RFX6: variants seen among roughly 807,000 people sequenced by gnomAD.
The protein encoded by RFX6 is regulatory factor X6.
In RFX6, 50 loss-of-function variants were observed where a neutral mutation model predicts 110.8. That is an observed-to-expected ratio of 0.45 (90% CI 0.36 to 0.57). RFX6 has a LOEUF of 0.57. RFX6 is among the 20% of genes least tolerant of loss of function. The pLI is 0.00. For missense variants in RFX6, 990 were observed against 1,127.0 expected (o/e 0.88, Z 1.74); for synonymous variants, 383 against 411.2 (o/e 0.93, Z 0.83).
intron 7 of RFX6, among the ~76,000 whole-genome samples, chr6:116,915,543 C>T (rs1047546765): frequency 1.3e-5 from 2 of 152,210 alleles, no homozygotes; most frequent in East Asian, 1.9e-4. Flanking sequence ...AAATTTGAAA[C>T]CATTATGCCA....
chr6:116,922,236 A>G, intron 13 of RFX6, 85 bp downstream of exon 13: 1 of 768,614 alleles, frequency 1.3e-6, no homozygotes, highest in South Asian at 1.4e-5. Context: ...CTGGGGGGAG[A>G]GGGGTGGAAG....
intron 15 of RFX6, among the ~76,000 whole-genome samples, chr6:116,925,017 AT>A (rs1775679787): frequency 6.6e-6 from 1 of 152,204 alleles, no homozygotes; most frequent in Non-Finnish European, 1.5e-5. Flanking sequence ...AGTATACAAA[AT>A]TGGTGATCTT....
chr6:116,887,529 C>G (rs1033653426), intron 4 of RFX6, among the ~76,000 whole-genome samples: 3 of 152,028 alleles, frequency 2.0e-5, no homozygotes, highest in African/African-American at 7.3e-5. Context: ...AAGTATACAC[C>G]TGGTTTTATT....
chr6:116,922,032 T>C lies in RFX6; in HGVS notation c.1328-10T>C, dbSNP rs182606018. The C allele has an allele frequency of 0.018, 20,699 of 1,157,496 alleles. 206 individuals carry two copies. The highest frequency in any genetic ancestry group is 0.023 in the Non-Finnish European group (17,728 of 773,186). The allele number at this position is 1,157,496 out of a possible 1,614,324, so 71.7% of individuals were successfully genotyped here. On this transcript the variant is annotated splice_polypyrimidine_tract_variant and intron_variant, in intron 12 of 18. Coordinates refer to ENST00000332958, the MANE Select transcript of RFX6 (RefSeq NM_173560.4). ...TTCTTTTCTTTCTTTTTTTTTTTTT[T>C]CCTGGGTAGATGACTCTATCACTGT...
At chr6:116,922,471 T>C (rs963046334) in intron 13 of RFX6, among the ~76,000 whole-genome samples, 1 of 152,184 alleles carries the variant, frequency 6.6e-6, no homozygotes, top group African/African-American at 2.4e-5. Context: ...ACTGGAATGA[T>C]CTGGCCCGTT....
At position 116,877,332 on chromosome 6, in the gene RFX6, A is replaced by C. The variant is rs769415472; in HGVS notation, c.57A>C (p.Gln19His). The C allele has an allele frequency of 6.2e-7, 1 of 1,613,028 alleles. No homozygotes were observed. The highest frequency in any genetic ancestry group is 1.1e-5 in the South Asian group (1 of 90,878). The change falls in exon 1 of 19, where the codon CAA becomes CAC. Residue 19 changes from glutamine to histidine, a missense_variant. Transcript: ENST00000332958. ...DTFLQAQPAP[Q>H]LSPGIQEDCC... ...TCCTGCAGGCGCAGCCTGCGCCCCA[A>C]CTGTCCCCGGGGATCCAGGAAGACT...
intron 6 of RFX6, among the ~76,000 whole-genome samples, chr6:116,896,379 C>A (rs972872106): frequency 4.3e-4 from 65 of 151,992 alleles, no homozygotes; most frequent in Non-Finnish European, 8.4e-4. Context: ...TCTGTGGATA[C>A]CTGAAGGCAA....
chr6:116,927,351 G>A lies in RFX6; in HGVS notation c.2210G>A (p.Arg737Lys). The A allele has an allele frequency of 6.2e-7, 1 of 1,613,932 alleles. No homozygotes were observed. Among genetic ancestry groups the A allele is most frequent in the Non-Finnish European group, 8.5e-7 (1 of 1,179,792 alleles). The stretch of plus-strand genomic sequence containing the variant: ...GCTTGGACTGAACAGCAGCTTTCAA[G>A]AGACTTCTTCAGTGGCAGCTGTGCG... ...CMAWTEQQLS[R>K]DFFSGSCAGS... Residue 737 changes from arginine (R) to lysine (K), a missense_variant, in exon 17 of 19, where the codon AGA becomes AAA. By Grantham distance (26) the Arg-to-Lys change is conservative. Around this residue, in one of 5 missense-constraint regions of RFX6, gnomAD observed 438 missense variants for 441.9 expected, o/e 0.99. Transcript: ENST00000332958.
intron 13 of RFX6, among the ~76,000 whole-genome samples, chr6:116,922,417 A>G (rs973941892): frequency 1.3e-5 from 2 of 152,224 alleles, no homozygotes; most frequent in African/African-American, 4.8e-5. Context: ...TCAGTCAATA[A>G]CATTACAGCT....
At chr6:116,886,382 G>A (rs1003432921) in intron 4 of RFX6, among the ~76,000 whole-genome samples, 1 of 152,148 alleles carries the variant, frequency 6.6e-6, no homozygotes, top group Non-Finnish European at 1.5e-5. Flanking sequence ...AGGTTCTCCT[G>A]TACTCTGGGC....
Position 116,915,975 on chromosome 6 carries a change from T to A in RFX6, c.781-33T>A. ...ACAAGAAAAGGCAGTGTTAAAAGGA[T>A]GCTTTGGTTAAGCTTTTTCTTCCTT... On this transcript the variant is annotated intron_variant, in intron 7 of 18. Transcript: ENST00000332958. 15 of 1,424,336 alleles carry A rather than the reference T, an allele frequency of 1.1e-5. 1 individual carries two copies. Among genetic ancestry groups the A allele is most frequent in the Non-Finnish European group, 1.3e-5 (13 of 1,008,726 alleles). The allele number at this position is 1,424,336 out of a possible 1,614,324, so 88.2% of individuals were successfully genotyped here.
At chr6:116,887,040 C>T (rs554345446) in intron 4 of RFX6, among the ~76,000 whole-genome samples, 4 of 151,628 alleles carry the variant, frequency 2.6e-5, no homozygotes, top group Non-Finnish European at 4.4e-5. Context: ...TCCAGCCTGG[C>T]GACCGAGCGA....
rs546909624 is a variant in RFX6 at position 116,899,643 on chromosome 6, C to T, written c.672+4436C>T. On this transcript the variant is annotated intron_variant, in intron 6 of 18. Coordinates refer to ENST00000332958, the MANE Select transcript of RFX6 (RefSeq NM_173560.4). ...AAAATTATTCAGGAGGTGTTAGAAACATTGACCATTTTGCAAAAAAATTTC... is the reference window on the plus strand; with the variant it reads ...AAAATTATTCAGGAGGTGTTAGAAATATTGACCATTTTGCAAAAAAATTTC... Among the ~76,000 whole-genome samples, 26 of 152,146 alleles carry T rather than the reference C, an allele frequency of 1.7e-4. No homozygotes were observed. In the South Asian group the frequency reaches 5.4e-3, roughly 32 times the overall value.
intron 6 of RFX6, among the ~76,000 whole-genome samples, chr6:116,899,774 C>T (rs937379997): frequency 2.0e-5 from 3 of 152,098 alleles, no homozygotes; most frequent in African/African-American, 7.2e-5. Context: ...TATTCACTTT[C>T]TAAGCATAAA....
In RFX6 at chr6:116,924,670, T is replaced by G. The variant is rs992920433; in HGVS notation, c.1557T>G (p.Gly519=). The change falls in exon 15 of 19, where the codon GGT becomes GGG. Residue 519 remains glycine (G), a splice_region_variant and synonymous_variant. Transcript: ENST00000332958. ...NLTLNNASSF[G]SFHLIRMLLD... The stretch of plus-strand genomic sequence containing the variant: ...CCTCATTCTCCATCCATAAACAAGG[T>G]TCTTTTCATTTGATTCGAATGCTTC... 6 of 1,610,468 alleles carry G rather than the reference T, an allele frequency of 3.7e-6. No individual in the cohort carries two copies. The African/African-American group carries it at 8.0e-5, about 22-fold the overall frequency.
At chr6:116,905,231 C>T (rs1339174702) in intron 6 of RFX6, among the ~76,000 whole-genome samples, 1 of 152,068 alleles carries the variant, frequency 6.6e-6, no homozygotes, top group Non-Finnish European at 1.5e-5. Flanking sequence ...TTTATAGTAG[C>T]CATCCCAGTG....
chr6:116,917,712 G>A (rs1172350255), intron 9 of RFX6, among the ~76,000 whole-genome samples: 1 of 152,060 alleles, frequency 6.6e-6, no homozygotes, highest in African/African-American at 2.4e-5. Flanking sequence ...GGTGTAAGAT[G>A]AGCTTCTACA....
At chr6:116,905,054 G>T (rs1775166914) in intron 6 of RFX6, among the ~76,000 whole-genome samples, 2 of 152,122 alleles carry the variant, frequency 1.3e-5, no homozygotes, top group Admixed American at 1.3e-4. Context: ...GAATTACTGG[G>T]TCATATAATA....
intron 6 of RFX6, among the ~76,000 whole-genome samples, chr6:116,906,835 C>T (rs975664323): frequency 2.0e-5 from 3 of 146,368 alleles, no homozygotes; most frequent in Non-Finnish European, 4.5e-5. Flanking sequence ...TCTTCCTTTT[C>T]AATTTGGATG....
Sources: allele counts gnomAD v4.1 joint callset (sites outside exome capture counted in the v4.1 genomes callset), GRCh38; gene constraint gnomAD v4.1.1; regional missense constraint gnomAD v4.1.1; transcripts MANE v1.5; gene names NCBI Gene and HGNC (gene_info 2026-07-23, HGNC 2026-07-21).